Variants in MR1 observed in about 807,000 individuals in gnomAD.
MR1 encodes major histocompatibility complex, class I-related, also known as major histocompatibility complex class I-related protein 1.
A neutral mutation model predicts 37.8 loss-of-function variants in MR1; 44 were observed. That is an observed-to-expected ratio of 1.16 (90% CI 0.91 to 1.50). The LOEUF (loss-of-function observed/expected upper bound fraction) is 1.50, where lower values mean the gene tolerates loss of function less well. Among genes scored for constraint, MR1 ranks in the 40% most tolerant of loss-of-function variants. MR1 has a pLI of 0.00. For synonymous variants in MR1, 153 were observed against 155.8 expected (o/e 0.98, Z 0.13); for missense variants, 386 against 419.1 (o/e 0.92, Z 0.69).
rs551777963 is a variant in MR1, at chr1:181,048,723, CT to C, written c.68-328del. 8.0e-3 allele frequency among the ~76,000 whole-genome samples: 1,217 copies of C among 152,326 alleles called. 4 individuals carry two copies. The highest frequency in any genetic ancestry group is 0.017 in the Middle Eastern group (5 of 294). On this transcript the variant is annotated intron_variant, in intron 1 of 5. Transcript: ENST00000367580. The stretch of plus-strand genomic sequence containing the variant: ...AGGGCTCCCGCAGGGACAGCTCCCC[CT>C]GTATCCCCAATGAGTGGTCTTCTCC...
At chr1:181,054,507 G>T (rs1236525732) in intron 5 of MR1, among the ~76,000 whole-genome samples, 1 of 152,130 alleles carries the variant, frequency 6.6e-6, no homozygotes, top group Non-Finnish European at 1.5e-5. Context: ...GGTGATAACT[G>T]TACAAAAGCA....
chr1:181,059,855 AG>A lies in MR1; in HGVS notation c.*4591del, dbSNP rs1366107154. 6.6e-6 allele frequency: 1 copy of A among 152,260 alleles called. No individual in the cohort carries two copies. Among genetic ancestry groups the A allele is most frequent in the Non-Finnish European group, 1.5e-5 (1 of 68,052 alleles). The allele number at this position is 152,260 out of a possible 1,614,324, so 9.4% of individuals were successfully genotyped here. On this transcript the variant is annotated 3_prime_UTR_variant, in exon 6 of 6. Coordinates refer to ENST00000367580, the MANE Select transcript of MR1 (RefSeq NM_001385161.1). ...CAACACTCAATAGGAAGATTGTCAG[AG>A]TTACATTGTAAGAAGAGCATGTAGT...
intron 4 of MR1, 93 bp downstream of exon 4, chr1:181,052,603 C>G: frequency 3.7e-6 from 5 of 1,351,812 alleles, no homozygotes; most frequent in Non-Finnish European, 4.1e-6. Flanking sequence ...GAGGATAGAT[C>G]ACTGCCTCAC....
chr1:181,052,598 T>G, intron 4 of MR1, 88 bp downstream of exon 4: 2 of 1,400,566 alleles, frequency 1.4e-6, no homozygotes, highest in South Asian at 2.7e-5. Context: ...GAGGGGAGGA[T>G]AGATCACTGC....
intron 1 of MR1, 36 bp downstream of exon 1, chr1:181,034,110 A>C (rs1657150909): frequency 1.3e-6 from 2 of 1,589,366 alleles, no homozygotes; most frequent in Non-Finnish European, 1.7e-6. Flanking sequence ...CCTAACTCCA[A>C]AGTCGAGGCA....
In MR1 at chr1:181,049,444, G is replaced by A; in HGVS notation, c.328+132G>A. 4.3e-6 allele frequency: 5 copies of A among 1,157,210 alleles called. No homozygotes were observed. The South Asian group carries it at 8.0e-5, about 19-fold the overall frequency. 71.7% of individuals were successfully genotyped at this position (1,157,210 alleles called of 1,614,324 possible). ...TGGCAAAGCCTGAGGAATCAGGTTG[G>A]TGGAGTTCAGGGCCTCCCATCTGCC... On this transcript the variant is annotated intron_variant, in intron 2 of 5. Coordinates refer to ENST00000367580, the MANE Select transcript of MR1 (RefSeq NM_001385161.1).
rs1242476304 is a variant in MR1 at position 181,034,081 on chromosome 1, A to G, written c.67+7A>G. ...GTGAAGCACAGCGATTCCCGTGAGT[A>G]TCCCACGTCCTCTTCTCTCCTAACT... On this transcript the variant is annotated splice_region_variant and intron_variant, in intron 1 of 5. Coordinates refer to ENST00000367580, the MANE Select transcript of MR1 (RefSeq NM_001385161.1). The G allele has an allele frequency of 6.2e-7, 1 of 1,612,224 alleles. No individual in the cohort carries two copies. The highest frequency in any genetic ancestry group is 8.5e-7 in the Non-Finnish European group (1 of 1,179,402).
rs1657530067 is a variant in MR1 at position 181,041,095 on chromosome 1, AT to A, written c.67+7022del. On this transcript the variant is annotated intron_variant, in intron 1 of 5. Coordinates refer to ENST00000367580, the MANE Select transcript of MR1 (RefSeq NM_001385161.1). ...AGACTCTGTCTCAATAAATAAATAAATAAATAAATAAATAAATAAATAAATA... is the reference window on the plus strand; with the variant it reads ...AGACTCTGTCTCAATAAATAAATAAAAAATAAATAAATAAATAAATAAATA... Among the ~76,000 whole-genome samples, 7 of 151,600 alleles carry A rather than the reference AT, an allele frequency of 4.6e-5. No homozygotes were observed. In the South Asian group the frequency reaches 1.5e-3, roughly 32 times the overall value.
chr1:181,049,454 G>C (rs986070273), intron 2 of MR1, 142 bp downstream of exon 2: 15 of 1,015,088 alleles, frequency 1.5e-5, no homozygotes, highest in Non-Finnish European at 4.3e-6. Context: ...GTGGAGTTCA[G>C]GGCCTCCCAT....
At chr1:181,039,586 C>T (rs1290248895) in intron 1 of MR1, among the ~76,000 whole-genome samples, 2 of 152,148 alleles carry the variant, frequency 1.3e-5, no homozygotes, top group Non-Finnish European at 2.9e-5. Flanking sequence ...CCCCATGAGG[C>T]CGGGCGCGGT....
intron 1 of MR1, among the ~76,000 whole-genome samples, chr1:181,038,721 G>T (rs767360352): frequency 6.6e-6 from 1 of 152,254 alleles, no homozygotes; most frequent in Admixed American, 6.5e-5. Context: ...GACTTCCCAT[G>T]GAGAGATCAC....
At chr1:181,051,797 G>A (rs2102399689) in intron 3 of MR1, among the ~76,000 whole-genome samples, 1 of 152,346 alleles carries the variant, frequency 6.6e-6, no homozygotes, top group South Asian at 2.1e-4. Context: ...AAAACTGAGT[G>A]GGGATGGCTG....
Position 181,034,860 on chromosome 1 carries a change from G to T in MR1, c.67+786G>T, listed in dbSNP as rs143805827. Among the ~76,000 whole-genome samples the T allele has an allele frequency of 4.5e-4, 68 of 152,272 alleles. No individual in the cohort carries two copies. In the East Asian group the frequency reaches 0.01, roughly 23 times the overall value. On this transcript the variant is annotated intron_variant, in intron 1 of 5. Coordinates refer to ENST00000367580, the MANE Select transcript of MR1 (RefSeq NM_001385161.1). ...TGACCATGGAGATTTGGAAGGGCGA[G>T]GGGGGTGGATGATTAGAAATTACTT...
intron 1 of MR1, among the ~76,000 whole-genome samples, chr1:181,046,118 C>T (rs182148794): frequency 0.011 from 1,614 of 152,352 alleles, 24 homozygotes; most frequent in African/African-American, 0.037. Context: ...CTCCCACCCC[C>T]TCCATGGGCC....
chr1:181,040,781 C>A (rs1407455113), intron 1 of MR1, among the ~76,000 whole-genome samples: 3 of 150,284 alleles, frequency 2.0e-5, no homozygotes, highest in African/African-American at 4.9e-5. Context: ...AAAAAAAAAA[C>A]CCAGAAAGAA....
At chr1:181,038,317 A>G (rs895714922) in intron 1 of MR1, among the ~76,000 whole-genome samples, 2 of 152,236 alleles carry the variant, frequency 1.3e-5, no homozygotes, top group African/African-American at 2.4e-5. Context: ...CTTGCTGCAC[A>G]TAGAACCATC....
intron 2 of MR1, 82 bp from the exon 3 acceptor site, chr1:181,049,929 C>T: frequency 1.3e-6 from 2 of 1,488,052 alleles, no homozygotes; most frequent in Non-Finnish European, 1.8e-6. Context: ...AAGGATGCTT[C>T]CAGCCATGCC....
In MR1 at chr1:181,052,215, C is replaced by T. The variant is rs762784237; in HGVS notation, c.605-20C>T. The T allele has an allele frequency of 8.7e-6, 14 of 1,610,744 alleles. No individual in the cohort carries two copies. In the Admixed American group the frequency reaches 2.4e-4, roughly 27 times the overall value. On this transcript the variant is annotated intron_variant, in intron 3 of 5. Transcript: ENST00000367580. Reference sequence around the variant, plus strand: ...CAGTACATAAGGCACTTTGATTTAACTTTAGCTTCTTCTTCCTAGAGCCCC... The same window carrying T: ...CAGTACATAAGGCACTTTGATTTAATTTTAGCTTCTTCTTCCTAGAGCCCC...
Position 181,049,135 on chromosome 1 carries a change from G to C in MR1, c.151G>C (p.Asp51His), listed in dbSNP as rs1401408888. Residue 51 changes from aspartate to histidine, a missense_variant, in exon 2 of 6, where the codon GAC (aspartate) becomes CAC (histidine). Transcript: ENST00000367580. ...VPEFISVGYVDSHPITTYDSV... is the reference protein window; with the variant it reads ...VPEFISVGYVHSHPITTYDSV... ...TGAATTTATTTCGGTTGGGTACGTG[G>C]ACTCGCACCCTATCACCACATATGA... 6.2e-7 allele frequency: 1 copy of C among 1,614,170 alleles called. No homozygotes were observed.
Sources: allele counts gnomAD v4.1 joint callset (sites outside exome capture counted in the v4.1 genomes callset), GRCh38; gene constraint gnomAD v4.1.1; transcripts MANE v1.5; gene names NCBI Gene and HGNC (gene_info 2026-07-23, HGNC 2026-07-21).